The following C12orf75 variants were observed in gnomAD, a reference collection of about 807,000 sequenced individuals.
C12orf75 encodes the protein chromosome 12 open reading frame 75.
C12orf75 carries 4 observed loss-of-function variants against 11.4 expected under a neutral mutation model. The ratio of observed to expected loss-of-function variants is 0.35; its 90% confidence interval spans 0.17 to 0.80. The LOEUF is 0.80. C12orf75 is among the 30% of genes least tolerant of loss of function. The pLI, the probability that C12orf75 is intolerant of heterozygous loss-of-function variation, is 0.52. For missense variants in C12orf75, 89 were observed against 80.4 expected (o/e 1.11, Z -0.41); for synonymous variants, 30 against 30.0 (o/e 1.00, Z 0.00).
chr12:105,364,760 A>G (rs1871413122), intron 2 of C12orf75, among the ~76,000 whole-genome samples: 1 of 151,112 alleles, frequency 6.6e-6, no homozygotes, highest in South Asian at 2.1e-4. Context: ...CAACTTATGT[A>G]TGCCAACTAG....
At chr12:105,366,549 T>C in intron 3 of C12orf75, 68 bp from the exon 4 acceptor site, 2 of 714,014 alleles carry the variant, frequency 2.8e-6, no homozygotes, top group South Asian at 1.9e-5. Context: ...TTTGGAGTAC[T>C]CCGTGCTTCT....
At chr12:105,337,596 G>T (rs971945432) in intron 1 of C12orf75, among the ~76,000 whole-genome samples, 1 of 152,096 alleles carries the variant, frequency 6.6e-6, no homozygotes, top group Non-Finnish European at 1.5e-5. Flanking sequence ...GAACCAGGTG[G>T]CATCTCTTGA....
intron 2 of C12orf75, among the ~76,000 whole-genome samples, chr12:105,353,265 T>C (rs1306470963): frequency 6.6e-6 from 1 of 152,212 alleles, no homozygotes; most frequent in African/African-American, 2.4e-5. Flanking sequence ...GCAGCTTTCC[T>C]CAAGTGGTGA....
At chr12:105,359,255 A>C (rs1263810835) in intron 2 of C12orf75, among the ~76,000 whole-genome samples, 1 of 152,132 alleles carries the variant, frequency 6.6e-6, no homozygotes, top group Non-Finnish European at 1.5e-5. Context: ...GATTTGGTTT[A>C]TGGCACCTGA....
intron 1 of C12orf75, among the ~76,000 whole-genome samples, chr12:105,345,103 C>T (rs1892622064): frequency 6.6e-6 from 1 of 151,920 alleles, no homozygotes; most frequent in African/African-American, 2.4e-5. Context: ...GAAATTCAGG[C>T]ACAACTGACC....
intron 1 of C12orf75, among the ~76,000 whole-genome samples, chr12:105,333,691 G>A (rs1422064993): frequency 6.6e-6 from 1 of 152,114 alleles, no homozygotes; most frequent in East Asian, 1.9e-4. Context: ...ATAATTCGGT[G>A]TATCTTGTTT....
At chr12:105,368,194 A>G (rs1871532841) in intron 5 of C12orf75, among the ~76,000 whole-genome samples, 1 of 152,230 alleles carries the variant, frequency 6.6e-6, no homozygotes, top group African/African-American at 2.4e-5. Context: ...TTTAAAAGAC[A>G]TGGAGCAGCA....
At chr12:105,340,430 C>CAAAAAAAA (rs60658476) in intron 1 of C12orf75, among the ~76,000 whole-genome samples, 8 of 115,408 alleles carry the variant, frequency 6.9e-5, no homozygotes, top group African/African-American at 2.7e-4. Flanking sequence ...GTGCCCCCGC[C>CAAAAAAAA]AAAAAAAAAA....
In C12orf75 at chr12:105,356,596, A is replaced by T. The variant is rs148851386; in HGVS notation, c.71+7970A>T. Among the ~76,000 whole-genome samples, 403 of 152,284 alleles carry T rather than the reference A, an allele frequency of 2.6e-3. 6 individuals are homozygous for T. Among genetic ancestry groups the T allele is most frequent in the African/African-American group, 9.0e-3 (375 of 41,548 alleles). The stretch of plus-strand genomic sequence containing the variant: ...GCCTAAGGGAAGTGAGAACTTTCTG[A>T]ATTTTCAGGTAAGTTGTAGCAAGGA... On this transcript the variant is annotated intron_variant, in intron 2 of 5. Transcript: ENST00000443585.
chr12:105,342,725 A>G (rs1892590093), intron 1 of C12orf75, among the ~76,000 whole-genome samples: 1 of 152,224 alleles, frequency 6.6e-6, no homozygotes. Flanking sequence ...GAGTCATCTC[A>G]TTAGAAGCCT....
chr12:105,365,941 C>G (rs1871458504), intron 3 of C12orf75, 99 bp downstream of exon 3: 2 of 817,054 alleles, frequency 2.4e-6, no homozygotes, highest in East Asian at 5.3e-5. Context: ...CAGATTCTGC[C>G]AGGAAAACTG....
chr12:105,336,207 G>A lies in C12orf75; in HGVS notation c.46+5270G>A, dbSNP rs553554172. ...TTGGATGTAGTCGTTCACATTGGTTGCAGGGTATTGGGAAGAAAGAATGGT... is the reference window on the plus strand; with the variant it reads ...TTGGATGTAGTCGTTCACATTGGTTACAGGGTATTGGGAAGAAAGAATGGT... On this transcript the variant is annotated intron_variant, in intron 1 of 5. Coordinates refer to ENST00000443585, the MANE Select transcript of C12orf75 (RefSeq NM_001145199.2). Among the ~76,000 whole-genome samples the A allele has an allele frequency of 3.9e-5, 6 of 152,344 alleles. No homozygotes were observed. In the South Asian group the frequency reaches 1.2e-3, roughly 32 times the overall value.
chr12:105,332,570 A>G (rs569703233), intron 1 of C12orf75, among the ~76,000 whole-genome samples: 3 of 152,112 alleles, frequency 2.0e-5, no homozygotes, highest in East Asian at 3.9e-4. Flanking sequence ...AGTCTCTACT[A>G]AAAATACAAA....
At chr12:105,369,015 A>C (rs1871559152) in intron 5 of C12orf75, among the ~76,000 whole-genome samples, 1 of 152,342 alleles carries the variant, frequency 6.6e-6, no homozygotes, top group Middle Eastern at 3.4e-3. Flanking sequence ...AGAAAAGATA[A>C]GTTGAAACCA....
At chr12:105,344,074 C>G (rs551896083) in intron 1 of C12orf75, among the ~76,000 whole-genome samples, 1 of 152,262 alleles carries the variant, frequency 6.6e-6, no homozygotes, top group South Asian at 2.1e-4. Flanking sequence ...AGGGAGGAGG[C>G]CCTTGATGGT....
intron 1 of C12orf75, among the ~76,000 whole-genome samples, chr12:105,346,942 T>C (rs1195971312): frequency 1.3e-5 from 2 of 152,256 alleles, no homozygotes; most frequent in African/African-American, 4.8e-5. Context: ...TAGTTTGCTA[T>C]TTTTATGTGC....
At chr12:105,340,058 A>G (rs1437029661) in intron 1 of C12orf75, among the ~76,000 whole-genome samples, 2 of 152,218 alleles carry the variant, frequency 1.3e-5, no homozygotes, top group Non-Finnish European at 1.5e-5. Context: ...TTTTTAATGT[A>G]TACGACAGGC....
intron 2 of C12orf75, among the ~76,000 whole-genome samples, chr12:105,351,679 G>A (rs1278916484): frequency 6.6e-6 from 1 of 152,110 alleles, no homozygotes; most frequent in Admixed American, 6.5e-5. Flanking sequence ...CAGAGGACAA[G>A]CATGAAAAAA....
intron 1 of C12orf75, among the ~76,000 whole-genome samples, chr12:105,333,416 A>G (rs1029572695): frequency 1.3e-5 from 2 of 152,222 alleles, no homozygotes; most frequent in African/African-American, 2.4e-5. Context: ...AACCCGAGCA[A>G]TACGAAACGC....
Sources: allele counts gnomAD v4.1 joint callset (sites outside exome capture counted in the v4.1 genomes callset), GRCh38; gene constraint gnomAD v4.1.1; transcripts MANE v1.5; gene names NCBI Gene and HGNC (gene_info 2026-07-23, HGNC 2026-07-21).